SGMS1: variants seen among roughly 807,000 people sequenced by gnomAD.
SGMS1 encodes the protein sphingomyelin synthase 1.
SGMS1 carries 13 observed loss-of-function variants against 46.2 expected under a neutral mutation model. The observed-to-expected ratio is 0.28, with a 90% CI of 0.18 to 0.45. The LOEUF (loss-of-function observed/expected upper bound fraction) is 0.45. SGMS1 is among the 20% of genes least tolerant of loss of function. SGMS1 has a pLI of 1.00. For synonymous variants in SGMS1, 203 were observed against 187.8 expected (o/e 1.08, Z -0.66); for missense variants, 324 against 519.9 (o/e 0.62, Z 3.66).
At chr10:50,416,867 C>T (rs913220880) in intron 6 of SGMS1, among the ~76,000 whole-genome samples, 1 of 143,242 alleles carries the variant, frequency 7.0e-6, no homozygotes, top group Non-Finnish European at 1.5e-5. Flanking sequence ...AAGCCAGCTG[C>T]GAAGAATTTT....
At chr10:50,438,928 T>C (rs1377053705) in intron 5 of SGMS1, among the ~76,000 whole-genome samples, 1 of 152,206 alleles carries the variant, frequency 6.6e-6, no homozygotes, top group Non-Finnish European at 1.5e-5. Flanking sequence ...CTGGCTGGCC[T>C]GCAAAAGCTA....
chr10:50,311,232 G>A (rs1353206389), intron 9 of SGMS1, 30 bp downstream of exon 9: 8 of 1,596,328 alleles, frequency 5.0e-6, no homozygotes, highest in Non-Finnish European at 6.8e-6. Flanking sequence ...GGCAGGTGAG[G>A]AAATTACAAT....
intron 2 of SGMS1, among the ~76,000 whole-genome samples, chr10:50,579,243 G>A (rs1254893922): frequency 1.3e-5 from 2 of 152,092 alleles, no homozygotes; most frequent in Non-Finnish European, 2.9e-5. Flanking sequence ...TAAGAATACA[G>A]CTAAAAAGCA....
intron 6 of SGMS1, among the ~76,000 whole-genome samples, chr10:50,415,258 T>C (rs1182693619): frequency 2.0e-5 from 3 of 152,230 alleles, no homozygotes; most frequent in Non-Finnish European, 4.4e-5. Flanking sequence ...AAACATACGC[T>C]ACATACTGAT....
At chr10:50,574,240 C>T (rs1429562686) in intron 2 of SGMS1, among the ~76,000 whole-genome samples, 1 of 152,134 alleles carries the variant, frequency 6.6e-6, no homozygotes, top group East Asian at 1.9e-4. Flanking sequence ...TATTTGCAAA[C>T]CTTATATCTG....
At chr10:50,367,516 A>G (rs1271092525) in intron 6 of SGMS1, among the ~76,000 whole-genome samples, 3 of 152,146 alleles carry the variant, frequency 2.0e-5, no homozygotes, top group Admixed American at 1.3e-4. Flanking sequence ...GCTCCCATAT[A>G]TGGTTCTCCC....
chr10:50,591,065 A>G (rs1838536083), intron 1 of SGMS1, among the ~76,000 whole-genome samples: 1 of 152,190 alleles, frequency 6.6e-6, no homozygotes, highest in African/African-American at 2.4e-5. Context: ...ATACTCAACT[A>G]CAATACACAC....
chr10:50,459,571 T>G (rs192590707), intron 5 of SGMS1, among the ~76,000 whole-genome samples: 46 of 151,720 alleles, frequency 3.0e-4, no homozygotes, highest in African/African-American at 1.1e-3. Context: ...GCCCGGCTAA[T>G]TTTTGTATTT....
intron 5 of SGMS1, among the ~76,000 whole-genome samples, chr10:50,454,818 G>C (rs1291927322): frequency 2.0e-5 from 3 of 152,102 alleles, no homozygotes; most frequent in African/African-American, 4.8e-5. Context: ...TATTTAATGA[G>C]AGCTGGTGAA....
chr10:50,395,791 A>G (rs1848840980), intron 6 of SGMS1, among the ~76,000 whole-genome samples: 1 of 152,182 alleles, frequency 6.6e-6, no homozygotes, highest in East Asian at 1.9e-4. Context: ...GCATCACTTT[A>G]AAGAAATAAA....
chr10:50,466,279 T>C (rs1268814971), intron 4 of SGMS1, among the ~76,000 whole-genome samples: 1 of 151,202 alleles, frequency 6.6e-6, no homozygotes, highest in Non-Finnish European at 1.5e-5. Flanking sequence ...ACAATATACA[T>C]GCAATTACCT....
At chr10:50,464,195 A>G (rs1455422954) in intron 4 of SGMS1, among the ~76,000 whole-genome samples, 2 of 152,228 alleles carry the variant, frequency 1.3e-5, no homozygotes, top group Admixed American at 1.3e-4. Context: ...ATAAAAACAA[A>G]CAAGAGATTA....
chr10:50,598,910 G>GA (rs1277312207), intron 1 of SGMS1, among the ~76,000 whole-genome samples: 12 of 149,928 alleles, frequency 8.0e-5, no homozygotes, highest in South Asian at 2.1e-4. Context: ...ACCCAGACAG[G>GA]AAAAAAAAAT....
chr10:50,407,125 G>C (rs1490319457), intron 6 of SGMS1, among the ~76,000 whole-genome samples: 2 of 152,122 alleles, frequency 1.3e-5, no homozygotes, highest in Non-Finnish European at 2.9e-5. Context: ...TTCTGCAGTA[G>C]GCCCAGTGGC....
intron 1 of SGMS1, among the ~76,000 whole-genome samples, chr10:50,616,531 T>C (rs1838799228): frequency 1.3e-5 from 2 of 152,206 alleles, no homozygotes. Context: ...AAGCATCTCC[T>C]ACAATATCTT....
intron 2 of SGMS1, among the ~76,000 whole-genome samples, chr10:50,578,591 C>T (rs926254418): frequency 2.3e-4 from 35 of 152,150 alleles, no homozygotes; most frequent in Non-Finnish European, 1.5e-4. Context: ...CTGCTGAGAC[C>T]ATCTAAATAT....
intron 2 of SGMS1, among the ~76,000 whole-genome samples, chr10:50,525,760 A>AT (rs1837895645): frequency 6.6e-6 from 1 of 152,204 alleles, no homozygotes; most frequent in Admixed American, 6.5e-5. Context: ...AATGGATAGC[A>AT]TTTTTCCATT....
intron 2 of SGMS1, among the ~76,000 whole-genome samples, chr10:50,534,793 G>T (rs1162386407): frequency 1.3e-5 from 2 of 152,104 alleles, no homozygotes; most frequent in Non-Finnish European, 2.9e-5. Flanking sequence ...AAAAGAATAG[G>T]CAAAATACAC....
At chr10:50,567,841 T>C (rs1480221052) in intron 2 of SGMS1, among the ~76,000 whole-genome samples, 1 of 152,248 alleles carries the variant, frequency 6.6e-6, no homozygotes, top group East Asian at 1.9e-4. Flanking sequence ...CCCTTCCTGC[T>C]TCAATCAAAC....
Sources: gnomAD v4.1 joint callset for allele counts (sites outside exome capture counted in the v4.1 genomes callset) on GRCh38, gnomAD v4.1.1 for gene constraint, MANE v1.5 for transcripts, NCBI Gene and HGNC (gene_info 2026-07-23, HGNC 2026-07-21) for gene names.